The following FAP variants were observed in gnomAD, a reference collection of about 807,000 sequenced individuals.
FAP encodes fibroblast activation protein alpha.
Under a neutral mutation model 126.5 loss-of-function variants are expected in FAP, and 110 were observed. The ratio of observed to expected loss-of-function variants is 0.87; its 90% CI spans 0.74 to 1.02. FAP has a LOEUF of 1.02. Among genes scored for constraint, FAP ranks in the 50% least tolerant of loss-of-function variants. FAP has a pLI of 0.00. For missense variants in FAP, 919 were observed against 909.2 expected (o/e 1.01, Z -0.14); for synonymous variants, 334 against 297.3 (o/e 1.12, Z -1.27).
chr2:162,190,178 T>C (rs1043898164), intron 17 of FAP, among the ~76,000 whole-genome samples: 3 of 152,092 alleles, frequency 2.0e-5, no homozygotes, highest in Non-Finnish European at 4.4e-5. Flanking sequence ...TAATTAATTG[T>C]GTATTTCCAA....
At position 162,209,362 on chromosome 2, in the gene FAP, C is replaced by A. The variant is rs112237777; in HGVS notation, c.1047+590G>T. On this transcript the variant is annotated intron_variant, in intron 12 of 25. Transcript: ENST00000188790. ...AAATACAATTGCTATTTACCTCAAG[C>A]GTTATTTTACATTAAAAATCCTCAT... Among the ~76,000 whole-genome samples, 192 of 152,148 alleles carry A rather than the reference C, an allele frequency of 1.3e-3. 2 individuals carry two copies. Among genetic ancestry groups the A allele is most frequent in the African/African-American group, 4.2e-3 (176 of 41,542 alleles).
intron 11 of FAP, 87 bp downstream of exon 11, chr2:162,213,851 A>G: frequency 1.5e-6 from 2 of 1,363,760 alleles, no homozygotes; most frequent in South Asian, 1.8e-5. Flanking sequence ...TCCTGGCTTT[A>G]CAACATAAAA....
At chr2:162,199,681 C>G (rs1688417338) in intron 15 of FAP, among the ~76,000 whole-genome samples, 1 of 152,230 alleles carries the variant, frequency 6.6e-6, no homozygotes, top group East Asian at 1.9e-4. Context: ...CTGTGAGTTT[C>G]TTCTGCTGCT....
In FAP at chr2:162,215,775, T is replaced by C; in HGVS notation, c.866+123A>G. ...AAGGAAACTTATTTGTCAATTTTAA[T>C]TTTGTATGTCTTTAGCTTTGTGTGC... On this transcript the variant is annotated intron_variant, in intron 10 of 25. Coordinates refer to ENST00000188790, the MANE Select transcript of FAP (RefSeq NM_004460.5). The C allele has an allele frequency of 4.6e-6, 3 of 649,870 alleles. No homozygotes were observed. The Admixed American group carries it at 9.5e-5, about 21-fold the overall frequency. 40.3% of individuals were successfully genotyped at this position (649,870 alleles called of 1,614,324 possible).
Position 162,218,118 on chromosome 2 carries a change from A to G in FAP, c.630T>C (p.Tyr210=). The change falls in exon 9 of 26, where the codon TAT becomes TAC. Residue 210 remains tyrosine, a synonymous_variant. Coordinates refer to ENST00000188790, the MANE Select transcript of FAP (RefSeq NM_004460.5). ...TTCCATTAGGAGACCACCAGAGAGC[A>G]TATTTTGTAGCAAGCATTTCCTCTG... ...VYEEEMLATK[Y]ALWWSPNGKF... 1.2e-6 allele frequency: 2 copies of G among 1,606,480 alleles called. No individual in the cohort carries two copies. The highest frequency in any genetic ancestry group is 8.5e-7 in the Non-Finnish European group (1 of 1,176,686).
chr2:162,213,335 C>T (rs375555073), intron 11 of FAP, among the ~76,000 whole-genome samples: 2 of 149,702 alleles, frequency 1.3e-5, no homozygotes, highest in Non-Finnish European at 3.0e-5. Context: ...CAGATTGCGC[C>T]ACTGCACTCC....
At chr2:162,208,201 A>C (rs975730389) in intron 12 of FAP, among the ~76,000 whole-genome samples, 1 of 151,096 alleles carries the variant, frequency 6.6e-6, no homozygotes. Flanking sequence ...GCTTGCAGTG[A>C]GCCGAGATCG....
chr2:162,194,775 TG>T, intron 16 of FAP, 27 bp from the exon 17 acceptor site: 1 of 1,608,946 alleles, frequency 6.2e-7, no homozygotes, highest in African/African-American at 1.3e-5. Context: ...AACAAAATCA[TG>T]GCTTAGTGTT....
chr2:162,201,501 A>G (rs1442487000), intron 14 of FAP, among the ~76,000 whole-genome samples: 3 of 152,062 alleles, frequency 2.0e-5, no homozygotes, highest in Non-Finnish European at 2.9e-5. Flanking sequence ...ATCTAAAACT[A>G]TCTGTGAATA....
intron 15 of FAP, among the ~76,000 whole-genome samples, chr2:162,199,743 G>A (rs933420436): frequency 5.3e-5 from 8 of 152,356 alleles, no homozygotes; most frequent in Admixed American, 6.5e-5. Context: ...CAGAGACACT[G>A]CTGGACCCAG....
intron 17 of FAP, among the ~76,000 whole-genome samples, chr2:162,190,691 A>G (rs986737396): frequency 6.6e-6 from 1 of 152,044 alleles, no homozygotes; most frequent in African/African-American, 2.4e-5. Flanking sequence ...ATTTTAAAAG[A>G]GGGGCTGGAT....
chr2:162,196,432 A>T (rs1266553980), intron 16 of FAP, among the ~76,000 whole-genome samples: 1 of 152,152 alleles, frequency 6.6e-6, no homozygotes, highest in Non-Finnish European at 1.5e-5. Context: ...TGAGACATGA[A>T]TATAAATTTC....
intron 18 of FAP, 122 bp from the exon 19 acceptor site, chr2:162,189,294 GGATA>G: frequency 1.9e-6 from 1 of 526,088 alleles, no homozygotes; most frequent in Non-Finnish European, 3.3e-6. Flanking sequence ...TAAGAATTTA[GGATA>G]TATTTAAAAG....
intron 2 of FAP, among the ~76,000 whole-genome samples, chr2:162,234,567 T>C (rs1314057930): frequency 1.3e-5 from 2 of 152,240 alleles, no homozygotes; most frequent in African/African-American, 4.8e-5. Context: ...ATACTTTATA[T>C]ATTTTTTTCT....
intron 21 of FAP, among the ~76,000 whole-genome samples, chr2:162,180,342 G>A (rs887732577): frequency 6.6e-6 from 1 of 152,162 alleles, no homozygotes; most frequent in African/African-American, 2.4e-5. Flanking sequence ...AGGAGGACAG[G>A]TAAGAAGCAA....
chr2:162,195,012 C>T lies in FAP; in HGVS notation c.1403-264G>A, dbSNP rs560793848. On this transcript the variant is annotated intron_variant, in intron 16 of 25. Transcript: ENST00000188790. The stretch of plus-strand genomic sequence containing the variant: ...AAGACTAATCCTGAATCATTAATAT[C>T]GAATTACACAAATGCACCCCAGAAG... 1.3e-4 allele frequency: 62 copies of T among 469,106 alleles called. 1 individual carries two copies. The South Asian group carries it at 1.5e-3, about 11-fold the overall frequency. The allele number at this position is 469,106 out of a possible 1,614,324, so 29.1% of individuals were successfully genotyped here.
chr2:162,206,448 C>T (rs1477734235), intron 12 of FAP, among the ~76,000 whole-genome samples: 1 of 152,164 alleles, frequency 6.6e-6, no homozygotes, highest in Non-Finnish European at 1.5e-5. Flanking sequence ...GTTAAATGAC[C>T]TAAAGCGGAT....
intron 6 of FAP, among the ~76,000 whole-genome samples, chr2:162,221,384 C>T (rs2106279713): frequency 6.6e-6 from 1 of 152,014 alleles, no homozygotes; most frequent in African/African-American, 2.4e-5. Flanking sequence ...CAAAAATTAG[C>T]AGTGGTGGCA....
At chr2:162,223,411 A>G (rs1424004750) in intron 6 of FAP, among the ~76,000 whole-genome samples, 197 bp downstream of exon 6, 3 of 152,182 alleles carry the variant, frequency 2.0e-5, no homozygotes, top group African/African-American at 7.2e-5. Context: ...ATATTAGTCA[A>G]ATAAAGAGGT....
Sources: allele counts gnomAD v4.1 joint callset (sites outside exome capture counted in the v4.1 genomes callset), GRCh38; gene constraint gnomAD v4.1.1; transcripts MANE v1.5; gene names NCBI Gene and HGNC (gene_info 2026-07-23, HGNC 2026-07-21).